The following HKDC1 variants were observed in gnomAD, a reference collection of about 807,000 sequenced individuals.
HKDC1 encodes the protein hexokinase HKDC1.
In HKDC1, 66 loss-of-function variants were observed where a neutral mutation model predicts 96.6. That is an observed-to-expected ratio of 0.68 (90% CI 0.56 to 0.84). The LOEUF (loss-of-function observed/expected upper bound fraction) is 0.84. Among genes scored for constraint, HKDC1 ranks in the 40% least tolerant of loss-of-function variants. The pLI, the probability that HKDC1 is intolerant of heterozygous loss-of-function variation, is 0.00. For synonymous variants in HKDC1, 466 were observed against 473.1 expected (o/e 0.98, Z 0.20); for missense variants, 1,211 against 1,208.1 (o/e 1.00, Z -0.04).
At chr10:69,237,458 G>A (rs1843380305) in intron 4 of HKDC1, among the ~76,000 whole-genome samples, 1 of 152,014 alleles carries the variant, frequency 6.6e-6, no homozygotes, top group African/African-American at 2.4e-5. Flanking sequence ...AGAATTGTGG[G>A]TTTTTCTTTT....
Position 69,246,211 on chromosome 10 carries a change from A to G in HKDC1, c.1008A>G (p.Thr336=), listed in dbSNP as rs1564731815. The change falls in exon 8 of 18, where the codon ACA becomes ACG. Residue 336 remains threonine (T), a synonymous_variant. Transcript: ENST00000354624. Reference sequence around the variant, plus strand: ...TCCACACTAAGGGCAAGATCGAAACACGGCACGTGGCTGCCATGGAGAAGT... The same window carrying G: ...TCCACACTAAGGGCAAGATCGAAACGCGGCACGTGGCTGCCATGGAGAAGT... ...SALHTKGKIE[T]RHVAAMEKYK... 6.2e-7 allele frequency: 1 copy of G among 1,614,000 alleles called. No homozygotes were observed. Among genetic ancestry groups the G allele is most frequent in the Non-Finnish European group, 8.5e-7 (1 of 1,180,008 alleles).
chr10:69,266,661 T>C lies in HKDC1; in HGVS notation c.2658T>C (p.Asp886=), dbSNP rs532980627. The change falls in exon 18 of 18, where the codon GAT becomes GAC. Residue 886 remains aspartate (D), a synonymous_variant. Coordinates refer to ENST00000354624, the MANE Select transcript of HKDC1 (RefSeq NM_025130.4). ...TGAAGGAACTAGCCCCTCGATGTGA[T>C]GTGACATTCATGCTGTCAGAAGATG... is the stretch of plus-strand genomic sequence containing the variant. ...ETVKELAPRC[D]VTFMLSEDGS... is the part of the protein sequence containing the mutation. 53 of 1,614,142 alleles carry C rather than the reference T, an allele frequency of 3.3e-5. No individual in the cohort carries two copies. In the East Asian group the frequency reaches 6.5e-4, roughly 20 times the overall value.
intron 2 of HKDC1, among the ~76,000 whole-genome samples, chr10:69,231,462 G>T (rs1269271817): frequency 1.3e-5 from 2 of 151,952 alleles, no homozygotes; most frequent in Non-Finnish European, 2.9e-5. Flanking sequence ...TCATTCCTTT[G>T]CCCGTGGTTC....
rs1843555416 is a variant in HKDC1 at position 69,247,248 on chromosome 10, A to G, written c.1032-112A>G. ...GATATTGTTATTTTTATTCTATACC[A>G]TGGACCTGCCTATTAATTTTCACAA... is the stretch of plus-strand genomic sequence containing the variant. On this transcript the variant is annotated intron_variant, in intron 8 of 17. Coordinates refer to ENST00000354624, the MANE Select transcript of HKDC1 (RefSeq NM_025130.4). 8.4e-6 allele frequency: 6 copies of G among 710,800 alleles called. No homozygotes were observed. The Admixed American group carries it at 9.4e-5, about 11-fold the overall frequency. The allele number at this position is 710,800 out of a possible 1,614,324, so 44.0% of individuals were successfully genotyped here.
intron 6 of HKDC1, 112 bp from the exon 7 acceptor site, chr10:69,243,070 A>C: frequency 6.6e-6 from 7 of 1,060,448 alleles, no homozygotes; most frequent in South Asian, 1.4e-5. Context: ...CCCCCAGGGA[A>C]TGAAAAGCAC....
In HKDC1 at chr10:69,262,608, G is replaced by A. The variant is rs144579357; in HGVS notation, c.2372+1314G>A. ...CACAAGTGAAAAATCACTTTTCAGC[G>A]GGGAAAAAAGAAACACATTATACAT... is the stretch of plus-strand genomic sequence containing the variant. On this transcript the variant is annotated intron_variant, in intron 16 of 17. Coordinates refer to ENST00000354624, the MANE Select transcript of HKDC1 (RefSeq NM_025130.4). Among the ~76,000 whole-genome samples the A allele has an allele frequency of 2.3e-3, 353 of 152,096 alleles. 2 individuals carry two copies. Among genetic ancestry groups the A allele is most frequent in the African/African-American group, 8.2e-3 (341 of 41,510 alleles).
intron 17 of HKDC1, 119 bp from the exon 18 acceptor site, chr10:69,266,491 G>A (rs1843901151): frequency 2.0e-6 from 2 of 1,024,570 alleles, no homozygotes; most frequent in Middle Eastern, 3.2e-4. Context: ...AGAAGAAGCT[G>A]TTTAGAGCCT....
intron 8 of HKDC1, among the ~76,000 whole-genome samples, chr10:69,246,930 G>A (rs1363570134): frequency 6.6e-6 from 1 of 152,250 alleles, no homozygotes; most frequent in East Asian, 1.9e-4. Flanking sequence ...TGCAGAACTT[G>A]GCAGGGACAG....
At position 69,248,434 on chromosome 10, in the gene HKDC1, C is replaced by T. The variant is rs148832840; in HGVS notation, c.1276C>T (p.Arg426Cys). Residue 426 changes from arginine to cysteine, a missense_variant, in exon 10 of 18, where the codon CGC becomes TGC. Transcript: ENST00000354624. ...TCACCCCTGCTTCAGGTACCCAAAA[C>T]GCCTGCACAAGGTGGTGAGGAAACT... is the stretch of plus-strand genomic sequence containing the variant. ...LYKIHPQYPKRLHKVVRKLVP... is the reference protein window; with the variant it reads ...LYKIHPQYPKCLHKVVRKLVP... The T allele has an allele frequency of 6.1e-3, 9,543 of 1,557,714 alleles. 57 individuals carry two copies. Among genetic ancestry groups the T allele is most frequent in the Non-Finnish European group, 6.4e-3 (7,348 of 1,149,542 alleles).
At chr10:69,229,528 A>T (rs1014437528) in intron 2 of HKDC1, among the ~76,000 whole-genome samples, 2 of 152,166 alleles carry the variant, frequency 1.3e-5, no homozygotes, top group Non-Finnish European at 2.9e-5. Context: ...TGTGGGGAGC[A>T]CCAGGGCTAA....
chr10:69,255,165 C>T (rs1843699151), intron 12 of HKDC1, among the ~76,000 whole-genome samples: 1 of 152,152 alleles, frequency 6.6e-6, no homozygotes, highest in Non-Finnish European at 1.5e-5. Context: ...GTCGTGAAGA[C>T]ACAGTGAAGA....
At position 69,267,017 on chromosome 10, in the gene HKDC1, C is replaced by A. The variant is rs1003821402; in HGVS notation, c.*260C>A. The stretch of plus-strand genomic sequence containing the variant: ...GTGTCTGTCCTGAGAGATCCCCTTT[C>A]AACACATTGTTCAGGTGAGGCTTGA... On this transcript the variant is annotated 3_prime_UTR_variant, in exon 18 of 18. Transcript: ENST00000354624. The A allele has an allele frequency of 5.9e-6, 2 of 337,778 alleles. No individual in the cohort carries two copies. Among genetic ancestry groups the A allele is most frequent in the Non-Finnish European group, 1.1e-5 (2 of 185,368 alleles). 20.9% of individuals were successfully genotyped at this position (337,778 alleles called of 1,614,324 possible).
intron 12 of HKDC1, among the ~76,000 whole-genome samples, chr10:69,254,157 T>C (rs1165011152): frequency 2.0e-5 from 3 of 151,950 alleles, no homozygotes; most frequent in Non-Finnish European, 4.4e-5. Context: ...ATACAAAAAT[T>C]AGCTGGGTAT....
rs752453598 is a variant in HKDC1 at position 69,256,992 on chromosome 10, C to T, written c.1837-44C>T. On this transcript the variant is annotated intron_variant, in intron 12 of 17. Transcript: ENST00000354624. Reference sequence around the variant, plus strand: ...TGGATGTTGAGGTTGTGCAGTGGCCCTAGCAAACTATTGCTCAAATGAATT... The same window carrying T: ...TGGATGTTGAGGTTGTGCAGTGGCCTTAGCAAACTATTGCTCAAATGAATT... The T allele has an allele frequency of 6.8e-6, 10 of 1,470,408 alleles. No individual in the cohort carries two copies. In the Admixed American group the frequency reaches 1.0e-4, roughly 15 times the overall value. The allele number at this position is 1,470,408 out of a possible 1,614,324, so 91.1% of individuals were successfully genotyped here.
intron 2 of HKDC1, 42 bp downstream of exon 2, chr10:69,227,411 G>A (rs745457755): frequency 6.2e-7 from 1 of 1,610,912 alleles, no homozygotes; most frequent in Non-Finnish European, 8.5e-7. Flanking sequence ...GGCTCCTCTT[G>A]GCTGATGGGT....
In HKDC1 at chr10:69,261,094, CTG is replaced by C. The variant is rs1320307540; in HGVS notation, c.2217-44_2217-43del. 29 of 1,579,784 alleles carry C rather than the reference CTG, an allele frequency of 1.8e-5. No individual in the cohort carries two copies. The African/African-American group carries it at 3.4e-4, about 18-fold the overall frequency. ...TGGCCTTCTCACATCATGTGGTCTTCTGCATTGCAGGTCTGCCCCAACCTTAT... is the reference window on the plus strand; with the variant it reads ...TGGCCTTCTCACATCATGTGGTCTTCCATTGCAGGTCTGCCCCAACCTTAT... On this transcript the variant is annotated intron_variant, in intron 15 of 17. Coordinates refer to ENST00000354624, the MANE Select transcript of HKDC1 (RefSeq NM_025130.4).
At chr10:69,221,865 T>G (rs1843071038) in intron 1 of HKDC1, among the ~76,000 whole-genome samples, 1 of 150,980 alleles carries the variant, frequency 6.6e-6, no homozygotes, top group African/African-American at 2.4e-5. Flanking sequence ...CCCGGGAGAC[T>G]GCGCTACTGC....
At chr10:69,225,548 C>A (rs1006855342) in intron 1 of HKDC1, among the ~76,000 whole-genome samples, 1 of 152,176 alleles carries the variant, frequency 6.6e-6, no homozygotes, top group Non-Finnish European at 1.5e-5. Flanking sequence ...GCCCCCGAGT[C>A]CCCGGAGCCA....
intron 16 of HKDC1, among the ~76,000 whole-genome samples, chr10:69,264,197 CTGTGTGTGTGTGTGTGTGTGTGTG>C (rs34401681): frequency 7.2e-6 from 1 of 139,542 alleles, no homozygotes; most frequent in East Asian, 2.1e-4. Context: ...AGATTTCCTT[CTGTGTGTGTGTGTGTGTGTGTGTG>C]TGTGTGTGTG....
Sources: allele counts gnomAD v4.1 joint callset (sites outside exome capture counted in the v4.1 genomes callset), GRCh38; gene constraint gnomAD v4.1.1; transcripts MANE v1.5; gene names NCBI Gene and HGNC (gene_info 2026-07-23, HGNC 2026-07-21).